Variants in OPRM1 observed in about 807,000 individuals in gnomAD.
OPRM1 encodes the protein mu-type opioid receptor.
OPRM1 carries 27 observed loss-of-function variants against 31.8 expected under a neutral mutation model. That is an observed-to-expected ratio of 0.85 (90% confidence interval 0.63 to 1.17). The LOEUF (loss-of-function observed/expected upper bound fraction) is 1.17, where lower values mean the gene tolerates loss of function less well. OPRM1 is among the 50% of genes most tolerant of loss of function. OPRM1 has a pLI of 0.00. For synonymous variants in OPRM1, 196 were observed against 189.9 expected, an observed-to-expected ratio of 1.03 and a Z score of -0.26; for missense variants, 536 against 511.1, an observed-to-expected ratio of 1.05 and a Z score of -0.47.
chr6:154,236,554 T>TA (rs1315811078), intron 3 of OPRM1, among the ~76,000 whole-genome samples: 2 of 152,228 alleles, frequency 1.3e-5, no homozygotes, highest in Admixed American at 6.5e-5. Flanking sequence ...TAAACTTCAT[T>TA]AAAAAACATT....
chr6:154,227,649 C>T (rs537303855), intron 3 of OPRM1, among the ~76,000 whole-genome samples: 1 of 151,436 alleles, frequency 6.6e-6, no homozygotes, highest in African/African-American at 2.4e-5. Context: ...GCCCGGAGGT[C>T]GAGGCTGTCA....
chr6:154,062,021 A>G (rs948718066), intron 1 of OPRM1, among the ~76,000 whole-genome samples: 1 of 152,200 alleles, frequency 6.6e-6, no homozygotes, highest in Non-Finnish European at 1.5e-5. Context: ...TGTGAAATGT[A>G]TAACTTTGAT....
intron 3 of OPRM1, among the ~76,000 whole-genome samples, chr6:154,197,911 G>A (rs551943992): frequency 7.2e-5 from 11 of 152,298 alleles, no homozygotes; most frequent in African/African-American, 2.4e-4. Flanking sequence ...AATAATAGAT[G>A]TAGTACTTTT....
At chr6:154,218,006 A>G (rs932331519) in intron 3 of OPRM1, among the ~76,000 whole-genome samples, 4 of 152,228 alleles carry the variant, frequency 2.6e-5, no homozygotes, top group African/African-American at 9.7e-5. Flanking sequence ...CTTGCTGTGA[A>G]AAACTGGTGA....
At chr6:154,090,214 C>G in intron 2 of OPRM1, 36 bp downstream of exon 2, 1 of 1,398,510 alleles carries the variant, frequency 7.2e-7, no homozygotes, top group East Asian at 2.3e-5. Flanking sequence ...AAGGAGGGTT[C>G]ACAGCCTGAT....
chr6:154,090,324 A>G (rs1791798180), intron 2 of OPRM1, 146 bp downstream of exon 2: 2 of 614,008 alleles, frequency 3.3e-6, no homozygotes, highest in Non-Finnish European at 5.7e-6. Context: ...AAAGCCTTTG[A>G]ATACTTAAAA....
At chr6:154,111,133 C>T (rs1396667242) in intron 3 of OPRM1, among the ~76,000 whole-genome samples, 1 of 152,144 alleles carries the variant, frequency 6.6e-6, no homozygotes, top group Non-Finnish European at 1.5e-5. Context: ...TCCTTGAATT[C>T]TTCTTTGCTG....
chr6:154,171,155 A>G (rs1194352076), intron 3 of OPRM1, among the ~76,000 whole-genome samples: 2 of 152,226 alleles, frequency 1.3e-5, no homozygotes, highest in African/African-American at 4.8e-5. Flanking sequence ...TCACACAAAA[A>G]TTGTACATGA....
downstream of OPRM1, among the ~76,000 whole-genome samples, chr6:154,132,409 G>T (rs529021564): frequency 6.6e-6 from 1 of 152,098 alleles, no homozygotes; most frequent in Non-Finnish European, 1.5e-5. Flanking sequence ...TGTTTTAAAA[G>T]AATATTCCCC....
intron 1 of OPRM1, 27 bp downstream of exon 1, chr6:154,039,861 G>T (rs761377402): frequency 1.3e-6 from 2 of 1,550,162 alleles, no homozygotes; most frequent in Middle Eastern, 1.7e-4. Flanking sequence ...GGCTCCGAGC[G>T]GAGGGTTCAG....
rs1797507553 is a variant in OPRM1, at chr6:154,125,002, C to T, written c.*6281C>T. ...GACCAGGTACAGGACCTACCAAAGG[C>T]CACAGCCAAGCACAAGCAGCTACAT... On this transcript the variant is annotated 3_prime_UTR_variant, in exon 4 of 4. Transcript: ENST00000330432. Among the ~76,000 whole-genome samples the T allele has an allele frequency of 1.3e-5, 2 of 152,088 alleles. No homozygotes were observed. Among genetic ancestry groups the T allele is most frequent in the South Asian group, 4.1e-4 (2 of 4,830 alleles).
At chr6:154,059,506 G>C (rs1053386694) in intron 1 of OPRM1, among the ~76,000 whole-genome samples, 1 of 152,064 alleles carries the variant, frequency 6.6e-6, no homozygotes, top group Non-Finnish European at 1.5e-5. Context: ...ATCTAGTCAG[G>C]CTTCCTGGAT....
intron 3 of OPRM1, among the ~76,000 whole-genome samples, chr6:154,224,344 C>T (rs28415815): frequency 0.027 from 4,141 of 152,264 alleles, 202 homozygotes; most frequent in African/African-American, 0.095. Context: ...CAACCCTATG[C>T]CCATCTTCTC....
intron 1 of OPRM1, chr6:154,086,732 A>G (rs971974052): frequency 4.3e-5 from 42 of 985,260 alleles, no homozygotes; most frequent in Non-Finnish European, 4.9e-5. Flanking sequence ...ACTTAACATA[A>G]AACACCATTA....
In OPRM1 at chr6:154,119,514, A is replaced by G; in HGVS notation, c.*793A>G. 1 of 830,006 alleles carries G rather than the reference A, an allele frequency of 1.2e-6. No homozygotes were observed. 51.4% of individuals were successfully genotyped at this position (830,006 alleles called of 1,614,324 possible). A position where few individuals can be genotyped will look rare whatever the true frequency, so the allele number is the denominator to read the frequency against. On this transcript the variant is annotated 3_prime_UTR_variant, in exon 4 of 4. Coordinates refer to ENST00000330432, the MANE Select transcript of OPRM1 (RefSeq NM_000914.5). Reference sequence around the variant, plus strand: ...TATTTAAGTGTTCACAAAAGGTAATAGTCAATGAGCTCATCACTTCATCCA... The same window carrying G: ...TATTTAAGTGTTCACAAAAGGTAATGGTCAATGAGCTCATCACTTCATCCA...
chr6:154,039,694 C>T lies in OPRM1; in HGVS notation c.150C>T (p.Thr50=), dbSNP rs202227993. The T allele has an allele frequency of 3.7e-6, 6 of 1,613,764 alleles. No individual in the cohort carries two copies. Among genetic ancestry groups the T allele is most frequent in the Non-Finnish European group, 5.1e-6 (6 of 1,180,038 alleles). ...CCGACCCATGCGGTCCGAACCGCACCGACCTGGGCGGGAGAGACAGCCTGT... is the reference window on the plus strand; with the variant it reads ...CCGACCCATGCGGTCCGAACCGCACTGACCTGGGCGGGAGAGACAGCCTGT... ...NLSDPCGPNR[T]DLGGRDSLCP... is the part of the protein sequence containing the mutation. The change falls in exon 1 of 4, where the codon ACC becomes ACT. Residue 50 remains threonine, a synonymous_variant. Transcript: ENST00000330432.
intron 1 of OPRM1, among the ~76,000 whole-genome samples, chr6:154,018,775 A>G (rs1273886494): frequency 1.3e-5 from 2 of 152,184 alleles, no homozygotes; most frequent in African/African-American, 2.4e-5. Context: ...AGTGTGTTCT[A>G]TTGAAACAAA....
chr6:154,167,877 C>A, intron 3 of OPRM1: 1 of 1,438,514 alleles, frequency 7.0e-7, no homozygotes, highest in Non-Finnish European at 9.6e-7. Context: ...CCGTTCCTTG[C>A]CCCACATCCA....
intron 3 of OPRM1, among the ~76,000 whole-genome samples, chr6:154,219,483 C>G (rs949161621): frequency 6.6e-6 from 1 of 152,020 alleles, no homozygotes; most frequent in Non-Finnish European, 1.5e-5. Flanking sequence ...CATTCAAGAC[C>G]AGAAAAGACC....
Sources: gnomAD v4.1 joint callset for allele counts (sites outside exome capture counted in the v4.1 genomes callset) on GRCh38, gnomAD v4.1.1 for gene constraint, MANE v1.5 for transcripts, NCBI Gene and HGNC (gene_info 2026-07-23, HGNC 2026-07-21) for gene names.